The following ENTREP2 variants were observed in gnomAD, a reference collection of about 807,000 sequenced individuals.
ENTREP2 encodes the protein endosomal transmembrane epsin interactor 2.
chr15:29,466,516 C>T, the ENTREP2 span, among the ~76,000 whole-genome samples: 3 of 144,374 alleles, frequency 2.1e-5, no homozygotes, highest in African/African-American at 5.2e-5. Flanking sequence ...TGGGAAGAGC[C>T]GAGGAGAGGA....
At chr15:29,549,099 G>C in the ENTREP2 span, among the ~76,000 whole-genome samples, 1 of 152,120 alleles carries the variant, frequency 6.6e-6, no homozygotes, top group Admixed American at 6.6e-5. Flanking sequence ...TTAACCATCA[G>C]CTGTCTCTCT....
the ENTREP2 span, among the ~76,000 whole-genome samples, chr15:29,158,189 CAG>C: frequency 6.6e-6 from 1 of 152,204 alleles, no homozygotes; most frequent in African/African-American, 2.4e-5. Context: ...TACTCACAGA[CAG>C]AAACACCAAC....
At chr15:29,643,712 C>T in the ENTREP2 span, among the ~76,000 whole-genome samples, 11 of 147,422 alleles carry the variant, frequency 7.5e-5, no homozygotes, top group South Asian at 2.2e-4. Context: ...ACCTGGGAGG[C>T]GGAGCTTGCA....
the ENTREP2 span, among the ~76,000 whole-genome samples, chr15:29,166,042 A>G: frequency 1.3e-5 from 2 of 152,234 alleles, no homozygotes; most frequent in Admixed American, 6.5e-5. Flanking sequence ...AATGTGACAC[A>G]TCACATAAAC....
chr15:29,577,716 T>C, the ENTREP2 span, among the ~76,000 whole-genome samples: 6 of 152,176 alleles, frequency 3.9e-5, no homozygotes, highest in African/African-American at 1.4e-4. Context: ...ATAAACAAAA[T>C]GTGGTCTGTA....
the ENTREP2 span, among the ~76,000 whole-genome samples, chr15:29,510,711 G>A: frequency 6.6e-6 from 1 of 151,592 alleles, no homozygotes; most frequent in Non-Finnish European, 1.5e-5. Flanking sequence ...GGAGGCTGAG[G>A]CAGGAGAATG....
At chr15:29,466,229 G>A in the ENTREP2 span, among the ~76,000 whole-genome samples, 3 of 151,916 alleles carry the variant, frequency 2.0e-5, no homozygotes, top group Non-Finnish European at 4.4e-5. Context: ...GGAGGGGAGA[G>A]CAAGAAAGCA....
At chr15:29,332,722 G>A in the ENTREP2 span, among the ~76,000 whole-genome samples, 2 of 152,100 alleles carry the variant, frequency 1.3e-5, no homozygotes, top group Non-Finnish European at 2.9e-5. Context: ...CACTTTCGGA[G>A]GCCAAGGCGG....
At chr15:29,471,785 A>G in the ENTREP2 span, among the ~76,000 whole-genome samples, 6 of 152,206 alleles carry the variant, frequency 3.9e-5, no homozygotes, top group African/African-American at 1.4e-4. Context: ...TTGTTTCTCA[A>G]TCTTTTTTCT....
the ENTREP2 span, among the ~76,000 whole-genome samples, chr15:29,361,180 C>T: frequency 6.6e-6 from 1 of 152,222 alleles, no homozygotes. Flanking sequence ...AAGATTCAGT[C>T]TGAATCAGTC....
At chr15:29,546,886 C>CA in the ENTREP2 span, among the ~76,000 whole-genome samples, 45 of 43,264 alleles carry the variant, frequency 1.0e-3, 1 homozygote, top group East Asian at 0.01. Context: ...GACTCCATCT[C>CA]AAAAAAAAAA....
the ENTREP2 span, among the ~76,000 whole-genome samples, chr15:29,330,252 C>T: frequency 6.7e-5 from 10 of 148,574 alleles, no homozygotes; most frequent in African/African-American, 1.0e-4. Context: ...TCCTGGCCAA[C>T]ATGGTGAAAC....
chr15:29,342,371 C>T, the ENTREP2 span, among the ~76,000 whole-genome samples: 3,958 of 152,272 alleles, frequency 0.026, 85 homozygotes, highest in African/African-American at 0.059. Flanking sequence ...GATTTCCCAT[C>T]GGGCACATGC....
chr15:29,557,532 C>A, the ENTREP2 span, among the ~76,000 whole-genome samples: 1 of 152,154 alleles, frequency 6.6e-6, no homozygotes, highest in Non-Finnish European at 1.5e-5. Context: ...ATTCAAGAGA[C>A]CGCTGCTGGA....
the ENTREP2 span, among the ~76,000 whole-genome samples, chr15:29,670,191 C>CTTG: frequency 2.0e-5 from 3 of 152,102 alleles, no homozygotes; most frequent in African/African-American, 7.2e-5. Context: ...ATGGTGGGGG[C>CTTG]TGGGGACTGA....
chr15:29,234,287 T>C, the ENTREP2 span: 4 of 1,612,268 alleles, frequency 2.5e-6, no homozygotes, highest in Non-Finnish European at 8.5e-7. Flanking sequence ...TGCTGTATCA[T>C]CTTTCGGGTC....
At chr15:29,476,965 C>A in the ENTREP2 span, among the ~76,000 whole-genome samples, 1 of 152,132 alleles carries the variant, frequency 6.6e-6, no homozygotes, top group Non-Finnish European at 1.5e-5. Flanking sequence ...AGGCCACGTA[C>A]GAGAATGTGT....
the ENTREP2 span, among the ~76,000 whole-genome samples, chr15:29,596,996 T>G: frequency 6.6e-6 from 1 of 152,010 alleles, no homozygotes; most frequent in Non-Finnish European, 1.5e-5. Flanking sequence ...TTTACCTGAT[T>G]AGGGTTTGCT....
the ENTREP2 span, among the ~76,000 whole-genome samples, chr15:29,339,467 T>C: frequency 6.6e-6 from 1 of 152,170 alleles, no homozygotes; most frequent in Non-Finnish European, 1.5e-5. Flanking sequence ...AGCTTCGGGA[T>C]GTGGGGATGA....
Sources: gnomAD v4.1 joint callset for allele counts (sites outside exome capture counted in the v4.1 genomes callset) on GRCh38, gnomAD v4.1.1 for gene constraint, MANE v1.5 for transcripts, NCBI Gene and HGNC (gene_info 2026-07-23, HGNC 2026-07-21) for gene names.